The following DENND5B variants were observed in gnomAD, a reference collection of about 807,000 sequenced individuals.
DENND5B encodes DENN domain-containing protein 5B.
Under a neutral mutation model 140.6 loss-of-function variants are expected in DENND5B, and 34 were observed. That is an observed-to-expected ratio of 0.24 (90% CI 0.18 to 0.32). The LOEUF (loss-of-function observed/expected upper bound fraction) is 0.32, where lower values mean the gene tolerates loss of function less well. Among genes scored for constraint, DENND5B ranks in the 10% least tolerant of loss-of-function variants. The pLI is 1.00. For missense variants in DENND5B, 1,142 were observed against 1,560.2 expected (o/e 0.73, Z 4.52); for synonymous variants, 551 against 562.1 (o/e 0.98, Z 0.28).
intron 14 of DENND5B, among the ~76,000 whole-genome samples, chr12:31,405,273 T>C (rs1013608200): frequency 1.3e-5 from 2 of 151,628 alleles, no homozygotes; most frequent in Non-Finnish European, 2.9e-5. Context: ...TAGAGTGCAG[T>C]GGCACGATCT....
At chr12:31,506,915 GT>G (rs1233930933) in intron 1 of DENND5B, among the ~76,000 whole-genome samples, 1 of 152,168 alleles carries the variant, frequency 6.6e-6, no homozygotes, top group Non-Finnish European at 1.5e-5. Context: ...AGTGTCCAGA[GT>G]TTTTACTGGC....
intron 1 of DENND5B, among the ~76,000 whole-genome samples, chr12:31,567,818 A>AAAC (rs1481826015): frequency 6.6e-6 from 1 of 152,316 alleles, no homozygotes; most frequent in Admixed American, 6.5e-5. Flanking sequence ...CCTCTTTAAA[A>AAAC]AACAACAACA....
chr12:31,459,401 T>C (rs1475163025), intron 4 of DENND5B, among the ~76,000 whole-genome samples: 1 of 152,174 alleles, frequency 6.6e-6, no homozygotes, highest in Non-Finnish European at 1.5e-5. Flanking sequence ...GCGATTCTCC[T>C]GCCTCAGCCT....
chr12:31,452,282 G>C lies in DENND5B; in HGVS notation c.1287C>G (p.Val429=). ...KLKNMVLKDL[V]NDKKNGNVCT... Reference sequence around the variant, plus strand: ...AGACATTGCCGTTCTTTTTGTCATTGACCAAGTCTTTCAGAACCATATTCT... The same window carrying C: ...AGACATTGCCGTTCTTTTTGTCATTCACCAAGTCTTTCAGAACCATATTCT... The change falls in exon 5 of 21, where the codon GTC becomes GTG. Residue 429 remains valine (V), a synonymous_variant. Transcript: ENST00000389082. The C allele has an allele frequency of 6.2e-7, 1 of 1,613,862 alleles. No homozygotes were observed.
intron 1 of DENND5B, among the ~76,000 whole-genome samples, chr12:31,533,030 C>T (rs1360000378): frequency 6.6e-6 from 1 of 152,180 alleles, no homozygotes; most frequent in Non-Finnish European, 1.5e-5. Context: ...GCAGTTCTTT[C>T]CTAAGCTTTG....
intron 1 of DENND5B, among the ~76,000 whole-genome samples, chr12:31,538,351 T>A (rs1948573449): frequency 6.6e-6 from 1 of 151,976 alleles, no homozygotes; most frequent in Non-Finnish European, 1.5e-5. Context: ...TAGAGATCAA[T>A]AATAAGTGGA....
chr12:31,453,770 T>C (rs1309386948), intron 4 of DENND5B, among the ~76,000 whole-genome samples: 1 of 152,184 alleles, frequency 6.6e-6, no homozygotes, highest in Non-Finnish European at 1.5e-5. Flanking sequence ...TCTTTGTTTT[T>C]CTCTTTTGAT....
At chr12:31,486,849 G>T (rs1414971796) in intron 2 of DENND5B, among the ~76,000 whole-genome samples, 3 of 152,104 alleles carry the variant, frequency 2.0e-5, no homozygotes, top group Admixed American at 2.0e-4. Context: ...CCTCTAAAAA[G>T]TATTTATTGT....
intron 7 of DENND5B, among the ~76,000 whole-genome samples, chr12:31,436,446 T>C (rs1447225893): frequency 6.6e-6 from 1 of 151,910 alleles, no homozygotes; most frequent in East Asian, 1.9e-4. Context: ...AACTGCCAAA[T>C]CCAATGGCTA....
chr12:31,569,344 T>A (rs1251067448), intron 1 of DENND5B, among the ~76,000 whole-genome samples: 2 of 152,200 alleles, frequency 1.3e-5, no homozygotes, highest in Non-Finnish European at 2.9e-5. Context: ...ATTACAGGTA[T>A]GAGCCACCAC....
intron 6 of DENND5B, among the ~76,000 whole-genome samples, chr12:31,445,013 G>A (rs1002951628): frequency 6.6e-6 from 1 of 152,192 alleles, no homozygotes; most frequent in African/African-American, 2.4e-5. Flanking sequence ...AAGTGGGAAA[G>A]GCAGGCAAGC....
intron 7 of DENND5B, among the ~76,000 whole-genome samples, chr12:31,435,110 C>G (rs12822601): frequency 0.13 from 19,037 of 152,074 alleles, 1,537 homozygotes; most frequent in Non-Finnish European, 0.18. Context: ...GCCCCAAACC[C>G]CGGATGAAGA....
At chr12:31,504,184 T>C (rs1235139012) in intron 1 of DENND5B, among the ~76,000 whole-genome samples, 1 of 152,224 alleles carries the variant, frequency 6.6e-6, no homozygotes, top group African/African-American at 2.4e-5. Context: ...TTATAGGACA[T>C]ATATTTAAAC....
intron 1 of DENND5B, chr12:31,499,541 G>C: frequency 7.8e-7 from 1 of 1,277,910 alleles, no homozygotes. Context: ...CATTTATAAT[G>C]GGCTTGCAGT....
intron 7 of DENND5B, among the ~76,000 whole-genome samples, chr12:31,434,533 G>A (rs16918637): frequency 0.1 from 15,505 of 152,144 alleles, 1,040 homozygotes; most frequent in East Asian, 0.25. Context: ...TGGATGATAT[G>A]AGGGGCTTAA....
At chr12:31,525,027 G>A (rs1017879241) in intron 1 of DENND5B, among the ~76,000 whole-genome samples, 1 of 152,096 alleles carries the variant, frequency 6.6e-6, no homozygotes, top group Admixed American at 6.6e-5. Context: ...AAACCACAAT[G>A]AGATACCACT....
chr12:31,590,653 A>G, intron 1 of DENND5B, 53 bp downstream of exon 1: 3 of 1,408,248 alleles, frequency 2.1e-6, no homozygotes, highest in Non-Finnish European at 2.8e-6. Context: ...GCGTCCCCAC[A>G]GCGTCCCCCG....
chr12:31,467,467 GA>G (rs915327265), intron 3 of DENND5B, among the ~76,000 whole-genome samples: 40 of 142,754 alleles, frequency 2.8e-4, no homozygotes, highest in Non-Finnish European at 2.6e-4. Context: ...TCTACAAAAA[GA>G]AAAAAAAAAA....
intron 1 of DENND5B, among the ~76,000 whole-genome samples, chr12:31,517,395 A>G (rs1410468619): frequency 6.6e-6 from 1 of 152,198 alleles, no homozygotes; most frequent in Admixed American, 6.6e-5. Context: ...TCTATGCCCT[A>G]ATTCTGTATT....
Sources: gnomAD v4.1 joint callset for allele counts (sites outside exome capture counted in the v4.1 genomes callset) on GRCh38, gnomAD v4.1.1 for gene constraint, MANE v1.5 for transcripts, NCBI Gene and HGNC (gene_info 2026-07-23, HGNC 2026-07-21) for gene names.